Variants in PASD1 observed in about 807,000 individuals in gnomAD.
PASD1 encodes the protein circadian clock protein PASD1.
Under a neutral mutation model 58.8 loss-of-function variants are expected in PASD1, and 13 were observed. That is an observed-to-expected ratio of 0.22 (90% confidence interval 0.14 to 0.35). PASD1 has a LOEUF of 0.35. Among genes scored for constraint, PASD1 ranks in the 10% least tolerant of loss-of-function variants. The pLI is 1.00. For synonymous variants in PASD1, 236 were observed against 216.7 expected (o/e 1.09, Z -0.78); for missense variants, 734 against 568.3 (o/e 1.29, Z -2.96).
At position 151,599,303 on chromosome X, in the gene PASD1, G is replaced by A. The variant is rs748460465; in HGVS notation, c.-27-2224G>A. Among the ~76,000 whole-genome samples, 431 of 111,971 alleles carry A rather than the reference G, an allele frequency of 3.8e-3. 1 individual carries two copies. The highest frequency in any genetic ancestry group is 0.013 in the African/African-American group (406 of 30,546). On this transcript the variant is annotated intron_variant, in intron 1 of 15. Transcript: ENST00000370357. ...TTTTCTATTCGACAAAACCGCCATCGTCATCATGGCCCGTTCTCAATGAGC... is the reference window on the plus strand; with the variant it reads ...TTTTCTATTCGACAAAACCGCCATCATCATCATGGCCCGTTCTCAATGAGC...
Position 151,624,162 on chromosome X carries a change from A to T in PASD1, c.546+1098A>T, listed in dbSNP as rs182106761. Among the ~76,000 whole-genome samples, 31 of 111,921 alleles carry T rather than the reference A, an allele frequency of 2.8e-4. No individual in the cohort carries two copies. In the East Asian group the frequency reaches 8.5e-3, roughly 31 times the overall value. On this transcript the variant is annotated intron_variant, in intron 7 of 15. Coordinates refer to ENST00000370357, the MANE Select transcript of PASD1 (RefSeq NM_173493.3). ...TTGGACTATGATTGTAGTAATGGAGATACAAGTATTCTGACTTGGGATGTA... is the reference window on the plus strand; with the variant it reads ...TTGGACTATGATTGTAGTAATGGAGTTACAAGTATTCTGACTTGGGATGTA...
chrX:151,576,786 A>G (rs1212844465), intron 1 of PASD1, among the ~76,000 whole-genome samples: 2 of 112,226 alleles, frequency 1.8e-5, no homozygotes, highest in Non-Finnish European at 3.8e-5. Context: ...TTATGTTTAT[A>G]TAGATATTAT....
At chrX:151,627,783 G>T (rs1234993647) in intron 8 of PASD1, among the ~76,000 whole-genome samples, 11 of 111,947 alleles carry the variant, frequency 9.8e-5, no homozygotes, top group African/African-American at 1.9e-4. Flanking sequence ...TTGCCACACT[G>T]TCTTCCACAA....
intron 1 of PASD1, among the ~76,000 whole-genome samples, chrX:151,577,140 GC>G (rs752970307): frequency 1.8e-5 from 2 of 111,795 alleles, no homozygotes; most frequent in Admixed American, 9.5e-5. Context: ...ATAGAAGCCA[GC>G]CTGGGCAATA....
intron 1 of PASD1, among the ~76,000 whole-genome samples, chrX:151,577,045 C>G (rs2124226068): frequency 9.0e-6 from 1 of 111,663 alleles, no homozygotes; most frequent in African/African-American, 3.3e-5. Flanking sequence ...TTACATGAGA[C>G]AGCCCAGTGC....
intron 10 of PASD1, 131 bp downstream of exon 10, chrX:151,659,967 T>G (rs186522640): frequency 1.8e-6 from 1 of 555,172 alleles, no homozygotes; most frequent in East Asian, 4.0e-5. Context: ...CCAACTTTCT[T>G]CATCTTCTGT....
chrX:151,600,046 C>T (rs891107577), intron 1 of PASD1, among the ~76,000 whole-genome samples: 1 of 112,264 alleles, frequency 8.9e-6, no homozygotes, highest in Non-Finnish European at 1.9e-5. Flanking sequence ...GCAGATCACT[C>T]GCGGTCAGGA....
intron 8 of PASD1, 57 bp downstream of exon 8, chrX:151,625,587 A>G: frequency 1.1e-6 from 1 of 901,158 alleles, no homozygotes; most frequent in Non-Finnish European, 1.6e-6. Flanking sequence ...TTACTAAACG[A>G]AACTAAAACA....
At chrX:151,582,921 A>G (rs1053557691) in intron 1 of PASD1, among the ~76,000 whole-genome samples, 1 of 112,145 alleles carries the variant, frequency 8.9e-6, no homozygotes, top group Admixed American at 9.4e-5. Flanking sequence ...CAATTGCTGA[A>G]AAGTTATTGG....
chrX:151,673,470 G>A (rs1023188268), intron 14 of PASD1: 2 of 138,349 alleles, frequency 1.4e-5, no homozygotes, highest in East Asian at 3.6e-4. Flanking sequence ...CCTGAGGAGG[G>A]TTTGGAAAGT....
chrX:151,662,742 GA>G (rs746938107), intron 10 of PASD1, among the ~76,000 whole-genome samples: 11 of 112,116 alleles, frequency 9.8e-5, no homozygotes, highest in African/African-American at 3.6e-4. Context: ...CTGACAGTGA[GA>G]AATCTGGCTT....
intron 15 of PASD1, among the ~76,000 whole-genome samples, chrX:151,675,744 G>C (rs960455220): frequency 8.9e-6 from 1 of 112,193 alleles, no homozygotes; most frequent in East Asian, 2.8e-4. Flanking sequence ...AGACCCAGGA[G>C]CCTTAAGACA....
intron 3 of PASD1, among the ~76,000 whole-genome samples, chrX:151,608,795 T>G (rs1297955113): frequency 9.0e-6 from 1 of 111,699 alleles, no homozygotes; most frequent in Admixed American, 9.6e-5. Flanking sequence ...TCTTCCCAAG[T>G]CACTTTTTGC....
intron 1 of PASD1, among the ~76,000 whole-genome samples, chrX:151,584,545 T>G (rs186678898): frequency 8.9e-6 from 1 of 112,008 alleles, no homozygotes; most frequent in East Asian, 2.8e-4. Context: ...ATCAAAGGGA[T>G]GATGAACTTT....
intron 4 of PASD1, 113 bp from the exon 5 acceptor site, chrX:151,620,817 C>A: frequency 2.2e-6 from 1 of 447,748 alleles, no homozygotes; most frequent in Non-Finnish European, 3.9e-6. Context: ...AGCATAAGCT[C>A]ACTGGAGGTA....
At chrX:151,569,303 G>A (rs1183627758) in intron 1 of PASD1, among the ~76,000 whole-genome samples, 4 of 111,751 alleles carry the variant, frequency 3.6e-5, no homozygotes, top group Admixed American at 2.9e-4. Flanking sequence ...ACAGGACTTA[G>A]GGCTGTTTAC....
In PASD1 at chrX:151,661,870, A is replaced by C. The variant is rs192217136; in HGVS notation, c.841+2034A>C. Among the ~76,000 whole-genome samples, 16 of 111,612 alleles carry C rather than the reference A, an allele frequency of 1.4e-4. No individual in the cohort carries two copies. The East Asian group carries it at 3.7e-3, about 26-fold the overall frequency. ...TTTCAAGATGAGATTGAGGTCTTGCATTTTGGGGAAGAATACCACAGATGT... is the reference window on the plus strand; with the variant it reads ...TTTCAAGATGAGATTGAGGTCTTGCCTTTTGGGGAAGAATACCACAGATGT... On this transcript the variant is annotated intron_variant, in intron 10 of 15. Coordinates refer to ENST00000370357, the MANE Select transcript of PASD1 (RefSeq NM_173493.3).
intron 4 of PASD1, among the ~76,000 whole-genome samples, 193 bp downstream of exon 4, chrX:151,611,946 C>A: frequency 9.9e-6 from 1 of 101,110 alleles, no homozygotes; most frequent in African/African-American, 3.6e-5. Context: ...TTAGGTGTAT[C>A]TCCTAATGCT....
At chrX:151,572,972 T>C (rs925003779) in intron 1 of PASD1, among the ~76,000 whole-genome samples, 1 of 92,357 alleles carries the variant, frequency 1.1e-5, no homozygotes, top group Non-Finnish European at 2.1e-5. Context: ...AGCGGGAGCT[T>C]ACACATCATG....
Sources: gnomAD v4.1 joint callset for allele counts (sites outside exome capture counted in the v4.1 genomes callset) on GRCh38, gnomAD v4.1.1 for gene constraint, MANE v1.5 for transcripts, NCBI Gene and HGNC (gene_info 2026-07-23, HGNC 2026-07-21) for gene names.